Variants in PDLIM3 observed in about 807,000 individuals in gnomAD.
PDLIM3 encodes PDZ and LIM domain 3, also known as PDZ and LIM domain protein 3.
In PDLIM3, 36 loss-of-function variants were observed where a neutral mutation model predicts 37.3. The observed-to-expected ratio is 0.97, with a 90% CI of 0.74 to 1.28. The LOEUF is 1.28. PDLIM3 is among the 50% of genes most tolerant of loss of function. The pLI is 0.00. For synonymous variants in PDLIM3, 174 were observed against 182.4 expected, an observed-to-expected ratio of 0.95 and a Z score of 0.37; for missense variants, 454 against 485.0, an observed-to-expected ratio of 0.94 and a Z score of 0.60.
Position 185,506,659 on chromosome 4 carries a change from C to T in PDLIM3, c.663-7G>A. The T allele has an allele frequency of 6.2e-7, 1 of 1,603,020 alleles. No homozygotes were observed. Among genetic ancestry groups the T allele is most frequent in the Non-Finnish European group, 8.5e-7 (1 of 1,179,834 alleles). On this transcript the variant is annotated splice_polypyrimidine_tract_variant and splice_region_variant and intron_variant, in intron 5 of 7. Coordinates refer to ENST00000284767, the MANE Select transcript of PDLIM3 (RefSeq NM_014476.6). The stretch of plus-strand genomic sequence containing the variant: ...CACCGAGGCTGTGGGCTCGCTGAAA[C>T]ACAGGCACGGCGGGGAGCATCGTCA...
chr4:185,502,520 A>G, intron 7 of PDLIM3, 37 bp from the exon 8 acceptor site: 2 of 1,594,458 alleles, frequency 1.3e-6, no homozygotes, highest in Non-Finnish European at 8.6e-7. Flanking sequence ...TTAAAAAACC[A>G]CAGAGCAAAA....
At chr4:185,507,467 T>G (rs1271265115) in intron 5 of PDLIM3, among the ~76,000 whole-genome samples, 1 of 152,172 alleles carries the variant, frequency 6.6e-6, no homozygotes, top group East Asian at 1.9e-4. Flanking sequence ...TTTTATTCCC[T>G]ATGTCATATT....
intron 4 of PDLIM3, among the ~76,000 whole-genome samples, chr4:185,509,441 C>T (rs1012544450): frequency 6.6e-6 from 1 of 152,120 alleles, no homozygotes; most frequent in Non-Finnish European, 1.5e-5. Flanking sequence ...AGATACATTT[C>T]AGGGACTTAT....
rs2095726117 is a variant in PDLIM3 at position 185,523,404 on chromosome 4, C to T, written c.288G>A (p.Gly96=). ...HLWSPQVSED[G]KAHPFKINLE... ...AGTTGATTTTGAAAGGATGGGCTTTCCCATCTTCAGATACTTGTGGAGACC... is the reference window on the plus strand; with the variant it reads ...AGTTGATTTTGAAAGGATGGGCTTTTCCATCTTCAGATACTTGTGGAGACC... Residue 96 remains glycine, a synonymous_variant, in exon 3 of 8, where the codon GGG becomes GGA. Transcript: ENST00000284767. The T allele has an allele frequency of 1.9e-6, 3 of 1,612,440 alleles. No homozygotes were observed. The highest frequency in any genetic ancestry group is 1.7e-5 in the Admixed American group (1 of 60,002).
chr4:185,503,016 A>C, intron 7 of PDLIM3, among the ~76,000 whole-genome samples: 1 of 152,182 alleles, frequency 6.6e-6, no homozygotes, highest in East Asian at 1.9e-4. Context: ...TCACAAGGTC[A>C]GGAGATCGAG....
At chr4:185,523,494 C>T in intron 2 of PDLIM3, 48 bp from the exon 3 acceptor site, 1 of 1,153,506 alleles carries the variant, frequency 8.7e-7, no homozygotes, top group South Asian at 1.3e-5. Context: ...ATGGTACTTT[C>T]AGTTTTAGCA....
At position 185,500,777 on chromosome 4, in the gene PDLIM3, C is replaced by T. The variant is rs1011106863; in HGVS notation, c.*1517G>A. On this transcript the variant is annotated 3_prime_UTR_variant, in exon 8 of 8. Coordinates refer to ENST00000284767, the MANE Select transcript of PDLIM3 (RefSeq NM_014476.6). Reference sequence around the variant, plus strand: ...AGGGGCCAGGCACGTGTTTTGGCTCCTCTCAAAATCCTGAACAGGTCAGGG... The same window carrying T: ...AGGGGCCAGGCACGTGTTTTGGCTCTTCTCAAAATCCTGAACAGGTCAGGG... 1.3e-5 allele frequency: 2 copies of T among 151,990 alleles called. No homozygotes were observed. Among genetic ancestry groups the T allele is most frequent in the African/African-American group, 4.8e-5 (2 of 41,348 alleles). The allele number at this position is 151,990 out of a possible 1,614,324, so 9.4% of individuals were successfully genotyped here.
rs199828661 is a variant in PDLIM3, at chr4:185,502,500, C to T, written c.906-17G>A. ...ACAGCACCGCTGTTGGGGAAGAAAACGAGCTCAAGTTAAAAAACCACAGAG... is the reference window on the plus strand; with the variant it reads ...ACAGCACCGCTGTTGGGGAAGAAAATGAGCTCAAGTTAAAAAACCACAGAG... On this transcript the variant is annotated splice_polypyrimidine_tract_variant and intron_variant, in intron 7 of 7. Coordinates refer to ENST00000284767, the MANE Select transcript of PDLIM3 (RefSeq NM_014476.6). 1.3e-4 allele frequency: 217 copies of T among 1,613,288 alleles called. 1 individual carries two copies. The highest frequency in any genetic ancestry group is 1.7e-4 in the Non-Finnish European group (206 of 1,179,346).
In PDLIM3 at chr4:185,500,757, C is replaced by T. The variant is rs1257955300; in HGVS notation, c.*1537G>A. The T allele has an allele frequency of 6.6e-6, 1 of 152,164 alleles. No homozygotes were observed. Among genetic ancestry groups the T allele is most frequent in the Non-Finnish European group, 1.5e-5 (1 of 68,046 alleles). The allele number at this position is 152,164 out of a possible 1,614,324, so 9.4% of individuals were successfully genotyped here. On this transcript the variant is annotated 3_prime_UTR_variant, in exon 8 of 8. Transcript: ENST00000284767. ...TTGCAATGTCAAATGCCTACAGGGG[C>T]CAGGCACGTGTTTTGGCTCCTCTCA...
At chr4:185,535,237 C>G in intron 1 of PDLIM3, 105 bp downstream of exon 1, 1 of 1,050,142 alleles carries the variant, frequency 9.5e-7, no homozygotes, top group South Asian at 1.4e-5. Context: ...TCCGCCCGCC[C>G]TCGCGCGCTT....
Position 185,514,533 on chromosome 4 carries a change from G to T in PDLIM3, c.331-196C>A. The T allele has an allele frequency of 1.6e-6, 2 of 1,274,688 alleles. No homozygotes were observed. The highest frequency in any genetic ancestry group is 2.2e-6 in the Non-Finnish European group (2 of 912,600). 79.0% of individuals were successfully genotyped at this position (1,274,688 alleles called of 1,614,324 possible). On this transcript the variant is annotated intron_variant, in intron 3 of 7. Coordinates refer to ENST00000284767, the MANE Select transcript of PDLIM3 (RefSeq NM_014476.6). This position sits in a 1 kb window ranked among gnomAD's most constrained non-coding sequence, Gnocchi z 4.0. ...CTAAACGGTCAGGCACTGGCGGATTGGACCCCACAACAATTAGAACATGTT... is the reference window on the plus strand; with the variant it reads ...CTAAACGGTCAGGCACTGGCGGATTTGACCCCACAACAATTAGAACATGTT...
intron 3 of PDLIM3, chr4:185,515,908 A>G (rs1430783639): frequency 6.6e-6 from 1 of 151,784 alleles, no homozygotes; most frequent in East Asian, 1.9e-4. Flanking sequence ...TTTAATATTT[A>G]TTTATTTATG....
intron 1 of PDLIM3, among the ~76,000 whole-genome samples, chr4:185,533,202 A>G (rs1244318669): frequency 6.6e-6 from 1 of 152,240 alleles, no homozygotes; most frequent in Admixed American, 6.5e-5. Flanking sequence ...GCAAGAGAGT[A>G]CAATAACACA....
chr4:185,533,559 C>A (rs1375478891), intron 1 of PDLIM3, among the ~76,000 whole-genome samples: 2 of 152,162 alleles, frequency 1.3e-5, no homozygotes, highest in East Asian at 3.8e-4. Context: ...CAAGTGAAAT[C>A]ATATTTGGTC....
In PDLIM3 at chr4:185,533,521, A is replaced by G. The variant is rs1259770002; in HGVS notation, c.93+1821T>C. Among the ~76,000 whole-genome samples the G allele has an allele frequency of 2.0e-5, 3 of 152,326 alleles. No individual in the cohort carries two copies. The East Asian group carries it at 5.8e-4, about 29-fold the overall frequency. ...ATGATTTGGTTTTACCTGCTGTCCT[A>G]GAATTAATTAAAGAGAAAAGCCATA... On this transcript the variant is annotated intron_variant, in intron 1 of 7. Coordinates refer to ENST00000284767, the MANE Select transcript of PDLIM3 (RefSeq NM_014476.6).
chr4:185,523,297 C>G (rs1045966022), intron 3 of PDLIM3, 65 bp downstream of exon 3: 9 of 1,147,144 alleles, frequency 7.8e-6, no homozygotes, highest in Non-Finnish European at 9.2e-6. Flanking sequence ...TCTTCCTCCC[C>G]TTGGAAGGCA....
chr4:185,501,852 A>T lies in PDLIM3; in HGVS notation c.*442T>A, dbSNP rs2095687545. ...TTCAGGGAATTTCTCCCTAACATGC[A>T]CTGTAATAGTTAAAACACATACAGA... On this transcript the variant is annotated 3_prime_UTR_variant, in exon 8 of 8. Coordinates refer to ENST00000284767, the MANE Select transcript of PDLIM3 (RefSeq NM_014476.6). 2 of 197,284 alleles carry T rather than the reference A, an allele frequency of 1.0e-5. No homozygotes were observed. The highest frequency in any genetic ancestry group is 5.4e-5 in the Admixed American group (1 of 18,626). The allele number at this position is 197,284 out of a possible 1,614,324, so 12.2% of individuals were successfully genotyped here. A position where few individuals can be genotyped will look rare whatever the true frequency, so the allele number is the denominator to read the frequency against.
intron 1 of PDLIM3, among the ~76,000 whole-genome samples, chr4:185,525,472 T>C (rs1437942315): frequency 6.6e-6 from 1 of 152,256 alleles, no homozygotes; most frequent in African/African-American, 2.4e-5. Flanking sequence ...AAATTATTTT[T>C]TATTTTTCAT....
At chr4:185,508,616 A>C in intron 4 of PDLIM3, 54 bp from the exon 5 acceptor site, 2 of 1,592,092 alleles carry the variant, frequency 1.3e-6, no homozygotes, top group Non-Finnish European at 1.7e-6. Flanking sequence ...CAGACAGTCC[A>C]GACAGAAGAA....
Sources: gnomAD v4.1 joint callset for allele counts (sites outside exome capture counted in the v4.1 genomes callset) on GRCh38, gnomAD v4.1.1 for gene constraint, Gnocchi (gnomAD v3.1) non-coding constraint, MANE v1.5 for transcripts, NCBI Gene and HGNC (gene_info 2026-07-23, HGNC 2026-07-21) for gene names.